Variants in SORCS2 observed in about 807,000 individuals in gnomAD.
SORCS2 encodes the protein VPS10 domain-containing receptor SorCS2.
In SORCS2, 100 loss-of-function variants were observed where a neutral mutation model predicts 141.6. That is an observed-to-expected ratio of 0.71 (90% CI 0.60 to 0.83). The LOEUF (loss-of-function observed/expected upper bound fraction) is 0.83, where lower values mean the gene tolerates loss of function less well. Ranked by LOEUF, SORCS2 falls within the 40% of genes least tolerant of loss-of-function variation. The pLI, the probability that SORCS2 is intolerant of heterozygous loss-of-function variation, is 0.00. For synonymous variants in SORCS2, 789 were observed against 676.9 expected (o/e 1.17, Z -2.57); for missense variants, 1,646 against 1,560.2 (o/e 1.05, Z -0.93).
In SORCS2 at chr4:7,362,167, G is replaced by A. The variant is rs573393852; in HGVS notation, c.481-34121G>A. Among the ~76,000 whole-genome samples, 4 of 152,208 alleles carry A rather than the reference G, an allele frequency of 2.6e-5. No homozygotes were observed. In the East Asian group the frequency reaches 7.7e-4, roughly 29 times the overall value. On this transcript the variant is annotated intron_variant, in intron 1 of 26. Coordinates refer to ENST00000507866, the MANE Select transcript of SORCS2 (RefSeq NM_020777.3). The stretch of plus-strand genomic sequence containing the variant: ...CAGGGGGCTGTGAGAGAACAAGATG[G>A]CAAGATGGGATTTGAGGTGGGACAA...
At chr4:7,457,605 G>A (rs944555003) in intron 2 of SORCS2, among the ~76,000 whole-genome samples, 3 of 151,948 alleles carry the variant, frequency 2.0e-5, no homozygotes, top group Non-Finnish European at 4.4e-5. Flanking sequence ...ACCAGGGAGT[G>A]TGCCCTAGTG....
intron 1 of SORCS2, among the ~76,000 whole-genome samples, chr4:7,288,710 C>A (rs958019189): frequency 1.4e-5 from 2 of 146,052 alleles, no homozygotes; most frequent in African/African-American, 5.1e-5. Context: ...CCTCTTTAAC[C>A]TTAATCACCT....
intron 1 of SORCS2, among the ~76,000 whole-genome samples, chr4:7,296,734 G>A (rs1290575357): frequency 6.6e-6 from 1 of 152,190 alleles, no homozygotes; most frequent in Non-Finnish European, 1.5e-5. Context: ...CACGGGGCCA[G>A]CACCGGGCCT....
intron 1 of SORCS2, among the ~76,000 whole-genome samples, chr4:7,384,660 A>C (rs1236321390): frequency 6.6e-6 from 1 of 151,968 alleles, no homozygotes; most frequent in African/African-American, 2.4e-5. Flanking sequence ...CCTTCTTGGG[A>C]GACAGTGTGT....
intron 3 of SORCS2, among the ~76,000 whole-genome samples, chr4:7,566,222 AGAT>A (rs1372635899): frequency 7.4e-5 from 11 of 149,274 alleles, no homozygotes; most frequent in Non-Finnish European, 1.5e-4. Context: ...ATGATGACAG[AGAT>A]GATGATAATG....
chr4:7,560,305 G>C (rs977270140), intron 3 of SORCS2, among the ~76,000 whole-genome samples: 2 of 152,186 alleles, frequency 1.3e-5, no homozygotes, highest in Non-Finnish European at 2.9e-5. Flanking sequence ...GTATTATGGG[G>C]TGGGATGGAG....
chr4:7,462,141 C>T (rs142210552), intron 2 of SORCS2, among the ~76,000 whole-genome samples: 6 of 152,344 alleles, frequency 3.9e-5, no homozygotes, highest in African/African-American at 9.6e-5. Context: ...CTTCGCTCTT[C>T]CCTGGGCTCC....
chr4:7,416,540 C>A (rs1200575367), intron 2 of SORCS2, among the ~76,000 whole-genome samples: 1 of 152,084 alleles, frequency 6.6e-6, no homozygotes, highest in Non-Finnish European at 1.5e-5. Context: ...TCACACACGC[C>A]CACACGTGCA....
At chr4:7,356,615 C>T (rs1372429294) in intron 1 of SORCS2, among the ~76,000 whole-genome samples, 2 of 152,220 alleles carry the variant, frequency 1.3e-5, no homozygotes, top group East Asian at 1.9e-4. Flanking sequence ...AAAGCCCTCA[C>T]CTCCAAATAC....
chr4:7,476,926 A>G (rs143044655), intron 2 of SORCS2, among the ~76,000 whole-genome samples: 32 of 152,310 alleles, frequency 2.1e-4, no homozygotes, highest in African/African-American at 7.7e-4. Flanking sequence ...TGGTCTAAGA[A>G]ACTCACACCT....
At chr4:7,237,354 C>T (rs557987339) in intron 1 of SORCS2, among the ~76,000 whole-genome samples, 5 of 152,110 alleles carry the variant, frequency 3.3e-5, no homozygotes, top group East Asian at 1.9e-4. Context: ...GGTCTGTGTC[C>T]GCTGGGCTGC....
At chr4:7,429,330 G>A (rs1051834176) in intron 2 of SORCS2, among the ~76,000 whole-genome samples, 3 of 152,176 alleles carry the variant, frequency 2.0e-5, no homozygotes, top group East Asian at 3.9e-4. Context: ...GCACCCATAC[G>A]TGCTCTCAGG....
Position 7,726,898 on chromosome 4 carries a change from T to C in SORCS2, c.2864T>C (p.Val955Ala). The change falls in exon 21 of 27, where the codon GTG (valine) becomes GCG (alanine). Residue 955 changes from valine (V) to alanine (A), a missense_variant. By Grantham distance (64) the Val-to-Ala change is moderately conservative (BLOSUM62 0). Transcript: ENST00000507866. ...CTGCAGGACTCCAGGGTCCTCCGTGTGCTGGGTAAGTACTTCCTGGGGTCT... is the reference window on the plus strand; with the variant it reads ...CTGCAGGACTCCAGGGTCCTCCGTGCGCTGGGTAAGTACTTCCTGGGGTCT... ...SVLQDSRVLR[V>A]LDQFQVMPLQ... 2 of 1,613,032 alleles carry C rather than the reference T, an allele frequency of 1.2e-6. No homozygotes were observed. The highest frequency in any genetic ancestry group is 1.7e-6 in the Non-Finnish European group (2 of 1,179,258).
At chr4:7,649,466 C>T (rs758109036) in intron 4 of SORCS2, among the ~76,000 whole-genome samples, 1 of 151,962 alleles carries the variant, frequency 6.6e-6, no homozygotes, top group Non-Finnish European at 1.5e-5. Flanking sequence ...GCTGCAGGAC[C>T]GAGGGCTGAG....
At chr4:7,335,784 C>T (rs1056827531) in intron 1 of SORCS2, among the ~76,000 whole-genome samples, 2 of 152,200 alleles carry the variant, frequency 1.3e-5, no homozygotes, top group African/African-American at 2.4e-5. Flanking sequence ...GGGGGTGTGG[C>T]GTGGCGACTG....
Position 7,714,663 on chromosome 4 carries a change from G to T in SORCS2, c.2123+290G>T, listed in dbSNP as rs369860837. On this transcript the variant is annotated intron_variant, in intron 16 of 26. Transcript: ENST00000507866. ...TGAGGAACAGGTCAGGGCATCTTGG[G>T]GACGTGCTGCACCCACCCCAGCCCT... is the stretch of plus-strand genomic sequence containing the variant. Among the ~76,000 whole-genome samples the T allele has an allele frequency of 2.6e-5, 4 of 152,268 alleles. No individual in the cohort carries two copies. The South Asian group carries it at 8.3e-4, about 32-fold the overall frequency.
At chr4:7,229,498 A>G (rs1711663011) in intron 1 of SORCS2, among the ~76,000 whole-genome samples, 1 of 152,092 alleles carries the variant, frequency 6.6e-6, no homozygotes, top group Admixed American at 6.5e-5. Flanking sequence ...GGGAGAGTCC[A>G]CGCTGGAGAG....
At chr4:7,593,320 ACT>A (rs1560411692) in intron 3 of SORCS2, among the ~76,000 whole-genome samples, 1 of 152,012 alleles carries the variant, frequency 6.6e-6, no homozygotes, top group Non-Finnish European at 1.5e-5. Context: ...ATGGAAATAG[ACT>A]CTGCTGTTTA....
chr4:7,332,790 G>A (rs1334348504), intron 1 of SORCS2, among the ~76,000 whole-genome samples: 4 of 152,230 alleles, frequency 2.6e-5, no homozygotes, highest in African/African-American at 7.2e-5. Flanking sequence ...CTCTGATGGG[G>A]ACATGGTGGC....
Sources: allele counts gnomAD v4.1 joint callset (sites outside exome capture counted in the v4.1 genomes callset), GRCh38; gene constraint gnomAD v4.1.1; transcripts MANE v1.5; gene names NCBI Gene and HGNC (gene_info 2026-07-23, HGNC 2026-07-21).